Variants in SLC26A11 observed in about 807,000 individuals in gnomAD.
SLC26A11 encodes sodium-independent sulfate anion transporter.
A neutral mutation model predicts 62.2 loss-of-function variants in SLC26A11; 58 were observed. The ratio of observed to expected loss-of-function variants is 0.93; its 90% CI spans 0.76 to 1.16. The LOEUF (loss-of-function observed/expected upper bound fraction) is 1.16, where lower values mean the gene tolerates loss of function less well. SLC26A11 is among the 50% of genes most tolerant of loss of function. The pLI is 0.00. For missense variants in SLC26A11, 790 were observed against 794.3 expected (o/e 0.99, Z 0.06); for synonymous variants, 411 against 368.9 (o/e 1.11, Z -1.31).
In SLC26A11 at chr17:80,232,872, C is replaced by T. The variant is rs569590428; in HGVS notation, c.737-4056C>T. The stretch of plus-strand genomic sequence containing the variant: ...ATATTTAGTTTTTGTTTGTTTGTTT[C>T]TAAGTGACTGCTTTAAGGTTTGTGG... On this transcript the variant is annotated intron_variant, in intron 7 of 17. Transcript: ENST00000361193. 3.9e-4 allele frequency among the ~76,000 whole-genome samples: 60 copies of T among 152,058 alleles called. 1 individual carries two copies. The highest frequency in any genetic ancestry group is 1.4e-3 in the African/African-American group (57 of 41,470).
chr17:80,221,622 G>T lies in SLC26A11; in HGVS notation c.62G>T (p.Ser21Ile). 6.2e-7 allele frequency: 1 copy of T among 1,610,128 alleles called. No homozygotes were observed. ...ARSSGPGMAP[S>I]ACCCSPAALQ... is the part of the protein sequence containing the mutation. ...TCCTCTGGCCCCGGGATGGCCCCGA[G>T]CGCCTGCTGCTGCTCCCCTGCGGCC... The change falls in exon 3 of 18, where the codon AGC becomes ATC. Residue 21 changes from serine to isoleucine, a missense_variant. Transcript: ENST00000361193.
intron 5 of SLC26A11, among the ~76,000 whole-genome samples, chr17:80,224,434 TGGGTGTGA>T (rs1386310011): frequency 2.5e-4 from 29 of 118,216 alleles, no homozygotes; most frequent in African/African-American, 9.1e-4. Context: ...AGAGTGGGTG[TGGGTGTGA>T]GAGTGTGAGT....
In SLC26A11 at chr17:80,223,176, C is replaced by G. The variant is rs528261801; in HGVS notation, c.428-76C>G. ...CCAATCCCACCCATTGCCACCTTCCCCAGCTCACATCTCCCCTCATCCTCT... is the reference window on the plus strand; with the variant it reads ...CCAATCCCACCCATTGCCACCTTCCGCAGCTCACATCTCCCCTCATCCTCT... On this transcript the variant is annotated intron_variant, in intron 4 of 17. Coordinates refer to ENST00000361193, the MANE Select transcript of SLC26A11 (RefSeq NM_001166347.2). The surrounding 1 kb of genome is among the most constrained non-coding windows in gnomAD (Gnocchi z 4.6). The G allele has an allele frequency of 2.6e-5, 36 of 1,386,564 alleles. No homozygotes were observed. In the South Asian group the frequency reaches 4.3e-4, roughly 16 times the overall value. 85.9% of individuals were successfully genotyped at this position (1,386,564 alleles called of 1,614,324 possible). A position where few individuals can be genotyped will look rare whatever the true frequency, so the allele number is the denominator to read the frequency against.
intron 13 of SLC26A11, among the ~76,000 whole-genome samples, chr17:80,247,682 T>C (rs1182016664): frequency 6.6e-6 from 1 of 152,202 alleles, no homozygotes; most frequent in Admixed American, 6.5e-5. Context: ...GGATGGCCGC[T>C]GCTGCTAGAA....
rs372097937 is a variant in SLC26A11, at chr17:80,221,797, G to A, written c.234+3G>A. 6.2e-7 allele frequency: 1 copy of A among 1,607,546 alleles called. No individual in the cohort carries two copies. Among genetic ancestry groups the A allele is most frequent in the Admixed American group, 1.7e-5 (1 of 59,928 alleles). On this transcript the variant is annotated splice_donor_region_variant and intron_variant, in intron 3 of 17. Transcript: ENST00000361193. ...AAGTGGCTGGACTCCCGCCCCAGGTGAGGCGTCTGACCCTGCTGCCAGCCA... is the reference window on the plus strand; with the variant it reads ...AAGTGGCTGGACTCCCGCCCCAGGTAAGGCGTCTGACCCTGCTGCCAGCCA...
Position 80,222,660 on chromosome 17 carries a change from C to T in SLC26A11, c.240C>T (p.Gly80=), listed in dbSNP as rs751509918. The stretch of plus-strand genomic sequence containing the variant: ...ACCACCCTCTCTCCCCACAGTATGG[C>T]CTCTACTCTGCCTTCATGGGCTGCT... ...AEVAGLPPQY[G]LYSAFMGCFV... The change falls in exon 4 of 18, where the codon GGC becomes GGT. Residue 80 remains glycine, a synonymous_variant. Coordinates refer to ENST00000361193, the MANE Select transcript of SLC26A11 (RefSeq NM_001166347.2). The surrounding 1 kb of genome is among the most constrained non-coding windows in gnomAD (Gnocchi z 4.7). 1.9e-6 allele frequency: 3 copies of T among 1,613,810 alleles called. No homozygotes were observed. The highest frequency in any genetic ancestry group is 1.3e-5 in the African/African-American group (1 of 74,920).
intron 10 of SLC26A11, among the ~76,000 whole-genome samples, chr17:80,243,345 T>C (rs1463874638): frequency 6.6e-6 from 1 of 152,114 alleles, no homozygotes; most frequent in Non-Finnish European, 1.5e-5. Flanking sequence ...ACCCCACCAG[T>C]AAATCTTCCA....
chr17:80,227,315 A>G (rs1235445074), intron 6 of SLC26A11, among the ~76,000 whole-genome samples: 1 of 152,224 alleles, frequency 6.6e-6, no homozygotes, highest in Non-Finnish European at 1.5e-5. Flanking sequence ...GACTTGTTCT[A>G]GAGCCACCTG....
rs58855338 is a variant in SLC26A11 at position 80,252,533 on chromosome 17, T to C, written c.1730-92T>C. The C allele has an allele frequency of 0.026, 30,890 of 1,205,400 alleles. 1,583 individuals carry two copies. The highest frequency in any genetic ancestry group is 0.2 in the African/African-American group (12,946 of 66,336). 74.7% of individuals were successfully genotyped at this position (1,205,400 alleles called of 1,614,324 possible). A position where few individuals can be genotyped will look rare whatever the true frequency, so the allele number is the denominator to read the frequency against. ...CTCCTTCCTGCACACCTTCCAGGAC[T>C]CTGGAAGGCCCTCCTTAATCCCTTC... On this transcript the variant is annotated intron_variant, in intron 17 of 17. Transcript: ENST00000361193. The surrounding 1 kb of genome is among the most constrained non-coding windows in gnomAD (Gnocchi z 5.2).
intron 7 of SLC26A11, among the ~76,000 whole-genome samples, chr17:80,232,277 C>T (rs1318864924): frequency 2.0e-5 from 3 of 150,378 alleles, no homozygotes; most frequent in African/African-American, 4.9e-5. Flanking sequence ...TTTTTTGAGA[C>T]AGAATCTCTC....
At position 80,252,501 on chromosome 17, in the gene SLC26A11, C is replaced by A; in HGVS notation, c.1730-124C>A. ...GAGTTAGTGACACTGGCCTGGGTGG[C>A]CCACAGCTCCTTCCTGCACACCTTC... On this transcript the variant is annotated intron_variant, in intron 17 of 17. Coordinates refer to ENST00000361193, the MANE Select transcript of SLC26A11 (RefSeq NM_001166347.2). This position sits in a 1 kb window ranked among gnomAD's most constrained non-coding sequence, Gnocchi z 5.2. The A allele has an allele frequency of 2.6e-6, 2 of 766,724 alleles. No homozygotes were observed. The highest frequency in any genetic ancestry group is 4.1e-6 in the Non-Finnish European group (2 of 486,592). The allele number at this position is 766,724 out of a possible 1,614,324, so 47.5% of individuals were successfully genotyped here.
chr17:80,239,413 G>A (rs563066853), intron 9 of SLC26A11, among the ~76,000 whole-genome samples: 16 of 140,928 alleles, frequency 1.1e-4, no homozygotes, highest in East Asian at 4.1e-4. Context: ...TTTTCGAGAC[G>A]GAGTCTCGCT....
intron 7 of SLC26A11, 29 bp downstream of exon 7, chr17:80,227,989 C>T: frequency 6.3e-7 from 1 of 1,590,134 alleles, no homozygotes; most frequent in Non-Finnish European, 8.5e-7. Context: ...ACATCTTATG[C>T]AACCTTGGCT....
intron 15 of SLC26A11, 31 bp downstream of exon 15, chr17:80,248,705 G>A: frequency 3.2e-6 from 5 of 1,545,640 alleles, no homozygotes; most frequent in Non-Finnish European, 4.4e-6. Flanking sequence ...GTGGTCTGAG[G>A]TCACTCCCCT....
intron 9 of SLC26A11, among the ~76,000 whole-genome samples, chr17:80,241,379 C>T (rs565665399): frequency 6.6e-6 from 1 of 152,190 alleles, no homozygotes; most frequent in African/African-American, 2.4e-5. Context: ...CCCGCCTCAG[C>T]GTCCTGAATA....
Position 80,223,156 on chromosome 17 carries a change from C to T in SLC26A11, c.428-96C>T, listed in dbSNP as rs1242340516. ...TTAGCTGCGGTATCTGCTCCCCAATCCCACCCATTGCCACCTTCCCCAGCT... is the reference window on the plus strand; with the variant it reads ...TTAGCTGCGGTATCTGCTCCCCAATTCCACCCATTGCCACCTTCCCCAGCT... On this transcript the variant is annotated intron_variant, in intron 4 of 17. Coordinates refer to ENST00000361193, the MANE Select transcript of SLC26A11 (RefSeq NM_001166347.2). This position sits in a 1 kb window ranked among gnomAD's most constrained non-coding sequence, Gnocchi z 4.6. 3 of 1,164,376 alleles carry T rather than the reference C, an allele frequency of 2.6e-6. No individual in the cohort carries two copies. Among genetic ancestry groups the T allele is most frequent in the African/African-American group, 1.5e-5 (1 of 65,422 alleles). The allele number at this position is 1,164,376 out of a possible 1,614,324, so 72.1% of individuals were successfully genotyped here.
chr17:80,246,408 C>G lies in SLC26A11; in HGVS notation c.1154-101C>G. 6.5e-7 allele frequency: 1 copy of G among 1,527,768 alleles called. No individual in the cohort carries two copies. The highest frequency in any genetic ancestry group is 8.8e-7 in the Non-Finnish European group (1 of 1,132,372). 94.6% of individuals were successfully genotyped at this position (1,527,768 alleles called of 1,614,324 possible). On this transcript the variant is annotated intron_variant, in intron 12 of 17. Transcript: ENST00000361193. This position sits in a 1 kb window ranked among gnomAD's most constrained non-coding sequence, Gnocchi z 4.4. The stretch of plus-strand genomic sequence containing the variant: ...GCCTTGGCAGTCGTCGCCCTACCCC[C>G]ACCCCTGTCCCCAGTGGGCTCTGCT...
chr17:80,251,170 C>A lies in SLC26A11; in HGVS notation c.1657-159C>A, dbSNP rs528964977. The stretch of plus-strand genomic sequence containing the variant: ...TAAAAAAAAAAAAATCTTCCTCTGA[C>A]AGCATTCCCCTGGGGCTGCGTTTCT... On this transcript the variant is annotated intron_variant, in intron 16 of 17. Transcript: ENST00000361193. Among the ~76,000 whole-genome samples, 14 of 152,056 alleles carry A rather than the reference C, an allele frequency of 9.2e-5. No individual in the cohort carries two copies. In the South Asian group the frequency reaches 2.9e-3, roughly 32 times the overall value.
intron 2 of SLC26A11, 142 bp downstream of exon 2, chr17:80,221,257 C>A (rs1367580562): frequency 7.7e-6 from 3 of 390,346 alleles, no homozygotes; most frequent in East Asian, 4.3e-5. Flanking sequence ...AATGAGGAAT[C>A]GCTTATCAGT....
Sources: gnomAD v4.1 joint callset for allele counts (sites outside exome capture counted in the v4.1 genomes callset) on GRCh38, gnomAD v4.1.1 for gene constraint, Gnocchi (gnomAD v3.1) non-coding constraint, MANE v1.5 for transcripts, NCBI Gene and HGNC (gene_info 2026-07-23, HGNC 2026-07-21) for gene names.